The following CDK12 variants were observed in gnomAD, a reference collection of about 807,000 sequenced individuals.
CDK12 encodes the protein cyclin dependent kinase 12.
In CDK12, 17 loss-of-function variants were observed where a neutral mutation model predicts 133.8. The ratio of observed to expected loss-of-function variants is 0.13; its 90% CI spans 0.09 to 0.19. CDK12 has a LOEUF of 0.19. CDK12 is among the 10% of genes least tolerant of loss of function. CDK12 has a pLI of 1.00. For missense variants in CDK12, 1,508 were observed against 1,818.7 expected, an observed-to-expected ratio of 0.83 and a Z score of 3.11; for synonymous variants, 694 against 683.6, an observed-to-expected ratio of 1.02 and a Z score of -0.24.
downstream of CDK12, among the ~76,000 whole-genome samples, chr17:39,565,313 A>G (rs138857606): frequency 8.7e-3 from 1,320 of 151,686 alleles, 10 homozygotes; most frequent in East Asian, 0.028. Context: ...ATGGGGTTTC[A>G]CTATGTTAGC....
chr17:39,480,382 G>A (rs9912338), intron 2 of CDK12, among the ~76,000 whole-genome samples: 3,853 of 151,394 alleles, frequency 0.025, 157 homozygotes, highest in African/African-American at 0.087. Flanking sequence ...TGATTCTCCT[G>A]CGTCACCCTC....
At chr17:39,493,056 A>G (rs952326662) in intron 4 of CDK12, among the ~76,000 whole-genome samples, 166 bp downstream of exon 4, 5 of 151,802 alleles carry the variant, frequency 3.3e-5, no homozygotes, top group Non-Finnish European at 7.4e-5. Context: ...GCAGTGGTGC[A>G]GTCTCAACTC....
chr17:39,506,817 C>T (rs1430504963), intron 6 of CDK12, among the ~76,000 whole-genome samples: 1 of 152,152 alleles, frequency 6.6e-6, no homozygotes, highest in East Asian at 1.9e-4. Context: ...TTTCTATATT[C>T]ACCTTATTCC....
At chr17:39,481,645 T>C (rs1295338053) in intron 2 of CDK12, among the ~76,000 whole-genome samples, 2 of 8,688 alleles carry the variant, frequency 2.3e-4, no homozygotes, top group East Asian at 4.3e-3. Context: ...TCTCTCTCTC[T>C]CTCTCTCTCT....
At chr17:39,477,717 C>A (rs12453397) in intron 2 of CDK12, among the ~76,000 whole-genome samples, 93,944 of 151,058 alleles carry the variant, frequency 0.62, 32,306 homozygotes, top group South Asian at 0.89. Context: ...GGACTACAGG[C>A]GCCTGCCACC....
At chr17:39,491,683 G>A (rs920766817) in intron 3 of CDK12, among the ~76,000 whole-genome samples, 1 of 150,460 alleles carries the variant, frequency 6.6e-6, no homozygotes, top group Non-Finnish European at 1.5e-5. Flanking sequence ...CTTAGCCACT[G>A]TGAGAGACTG....
rs370768796 is a variant in CDK12, at chr17:39,490,570, C to T, written c.1945C>T (p.Leu649Phe). 4.4e-6 allele frequency: 7 copies of T among 1,608,552 alleles called. No individual in the cohort carries two copies. The highest frequency in any genetic ancestry group is 5.9e-6 in the Non-Finnish European group (7 of 1,177,600). ...TTTATTGTTTAGTCCAAAAGAAACTCTTCCTTCAAAACCTGTGAAGAAAGA... is the reference window on the plus strand; with the variant it reads ...TTTATTGTTTAGTCCAAAAGAAACTTTTCCTTCAAAACCTGTGAAGAAAGA... The part of the protein sequence containing the change: ...DDDMDSPKET[L>F]PSKPVKKEKE... Residue 649 changes from leucine (L) to phenylalanine (F), a missense_variant, in exon 3 of 14, where the codon CTT (leucine) becomes TTT (phenylalanine). Physicochemically the swap from Leu to Phe is conservative, Grantham distance 22. This residue lies in a region of CDK12 where 347 missense variants were observed against 330.8 expected (regional missense o/e 1.05). Transcript: ENST00000447079.
chr17:39,483,691 TTTATTTA>T (rs2050901670), intron 2 of CDK12, among the ~76,000 whole-genome samples: 1 of 97,648 alleles, frequency 1.0e-5, no homozygotes, highest in African/African-American at 7.9e-5. Flanking sequence ...ACAGTTACAA[TTTATTTA>T]TTTATTTATT....
At chr17:39,481,830 C>T (rs1356302878) in intron 2 of CDK12, among the ~76,000 whole-genome samples, 2 of 151,636 alleles carry the variant, frequency 1.3e-5, no homozygotes, top group African/African-American at 4.8e-5. Flanking sequence ...AAGTGATTCT[C>T]CTGCCTCACC....
At chr17:39,501,762 T>C (rs1285224743) in intron 6 of CDK12, among the ~76,000 whole-genome samples, 1 of 152,202 alleles carries the variant, frequency 6.6e-6, no homozygotes, top group African/African-American at 2.4e-5. Flanking sequence ...CAGAAGTTTT[T>C]ATCATTTGCT....
In CDK12 at chr17:39,531,558, G is replaced by A. The variant is rs1332213769; in HGVS notation, c.*242G>A. On this transcript the variant is annotated 3_prime_UTR_variant, in exon 14 of 14. Transcript: ENST00000447079. Reference sequence around the variant, plus strand: ...CATTTACTTCAACTCTACCTTAGTAGATACAAGTAGAGAATATGGAGAGGA... The same window carrying A: ...CATTTACTTCAACTCTACCTTAGTAAATACAAGTAGAGAATATGGAGAGGA... 1 of 392,460 alleles carries A rather than the reference G, an allele frequency of 2.5e-6. No individual in the cohort carries two copies. The highest frequency in any genetic ancestry group is 2.1e-5 in the African/African-American group (1 of 48,436). 24.3% of individuals were successfully genotyped at this position (392,460 alleles called of 1,614,324 possible).
At chr17:39,473,664 G>A (rs1007290536) in intron 2 of CDK12, among the ~76,000 whole-genome samples, 1 of 152,132 alleles carries the variant, frequency 6.6e-6, no homozygotes, top group South Asian at 2.1e-4. Context: ...GCCAAGGCGG[G>A]CGAATCATGA....
chr17:39,492,970 G>T, intron 4 of CDK12, 80 bp downstream of exon 4: 1 of 1,238,372 alleles, frequency 8.1e-7, no homozygotes, highest in Non-Finnish European at 1.1e-6. Context: ...TTTAGCAAAA[G>T]TAAATTCTGA....
intron 2 of CDK12, among the ~76,000 whole-genome samples, chr17:39,474,549 A>C (rs537680893): frequency 1.3e-5 from 2 of 152,242 alleles, no homozygotes; most frequent in African/African-American, 4.8e-5. Flanking sequence ...TCCTGGACTC[A>C]AGTGATCCGC....
intron 2 of CDK12, among the ~76,000 whole-genome samples, chr17:39,482,222 A>G (rs540400066): frequency 2.0e-4 from 29 of 148,348 alleles, no homozygotes; most frequent in Admixed American, 1.2e-3. Context: ...ATTTTGGCCA[A>G]GGTGGTCTTG....
chr17:39,496,960 T>A (rs2052172832), intron 5 of CDK12, among the ~76,000 whole-genome samples: 1 of 136,256 alleles, frequency 7.3e-6, no homozygotes, highest in Non-Finnish European at 1.5e-5. Flanking sequence ...AGAAGGAGTC[T>A]CACTCTGTCG....
chr17:39,553,439 T>G (rs1463961421), intron 2 of CDK12, among the ~76,000 whole-genome samples: 1 of 151,960 alleles, frequency 6.6e-6, no homozygotes, highest in African/African-American at 2.4e-5. Flanking sequence ...CAGGAGGAGA[T>G]GTCTGCTCCT....
chr17:39,538,909 ATACATACATACATAC>A (rs2055274915), downstream of CDK12, among the ~76,000 whole-genome samples: 7 of 141,616 alleles, frequency 4.9e-5, no homozygotes, highest in Non-Finnish European at 7.5e-5. Flanking sequence ...AAATAAATAC[ATACATACATACATAC>A]ATACATACAT....
At chr17:39,511,686 C>G (rs2146380564) in intron 8 of CDK12, 56 bp downstream of exon 8, 1 of 1,157,354 alleles carries the variant, frequency 8.6e-7, no homozygotes, top group South Asian at 1.4e-5. Flanking sequence ...TTGACTTGTA[C>G]TTTGTTTTCT....
Sources: allele counts gnomAD v4.1 joint callset (sites outside exome capture counted in the v4.1 genomes callset), GRCh38; gene constraint gnomAD v4.1.1; regional missense constraint gnomAD v4.1.1; transcripts MANE v1.5; gene names NCBI Gene and HGNC (gene_info 2026-07-23, HGNC 2026-07-21).